The following GRM7 variants were observed in gnomAD, a reference collection of about 807,000 sequenced individuals.
GRM7 encodes the protein glutamate metabotropic receptor 7.
Under a neutral mutation model 84.5 loss-of-function variants are expected in GRM7, and 35 were observed. The ratio of observed to expected loss-of-function variants is 0.41; its 90% CI spans 0.32 to 0.55. The LOEUF is 0.55. GRM7 is among the 20% of genes least tolerant of loss of function. The pLI, the probability that GRM7 is intolerant of heterozygous loss-of-function variation, is 0.19. For missense variants in GRM7, 1,003 were observed against 1,194.6 expected, an observed-to-expected ratio of 0.84 and a Z score of 2.36; for synonymous variants, 487 against 455.1, an observed-to-expected ratio of 1.07 and a Z score of -0.89.
rs75028138 is a variant in GRM7 at position 7,590,738 on chromosome 3, C to T, written c.2451+11381C>T. 7.1e-3 allele frequency among the ~76,000 whole-genome samples: 1,080 copies of T among 152,194 alleles called. 11 individuals are homozygous for T. The highest frequency in any genetic ancestry group is 0.025 in the African/African-American group (1,025 of 41,518). ...TCCATGCTGTGTTCTTCTCACCACT[C>T]GAAGCTCAGCCTACAGACACATATC... On this transcript the variant is annotated intron_variant, in intron 8 of 9. Transcript: ENST00000357716.
At chr3:7,199,737 G>C (rs1696000995) in intron 2 of GRM7, among the ~76,000 whole-genome samples, 1 of 152,108 alleles carries the variant, frequency 6.6e-6, no homozygotes, top group Admixed American at 6.5e-5. Flanking sequence ...CCAAGGTTGA[G>C]GAACCCTGAC....
intron 9 of GRM7, among the ~76,000 whole-genome samples, chr3:7,735,890 G>A (rs1040867205): frequency 6.6e-5 from 10 of 152,112 alleles, no homozygotes; most frequent in Non-Finnish European, 1.3e-4. Flanking sequence ...AAGTATCTCA[G>A]GTCTAGATCT....
intron 2 of GRM7, among the ~76,000 whole-genome samples, chr3:7,226,595 A>G (rs1696989202): frequency 6.6e-6 from 1 of 152,190 alleles, no homozygotes; most frequent in Non-Finnish European, 1.5e-5. Flanking sequence ...AAGTCACATG[A>G]TCTACCTGCA....
chr3:7,625,681 T>C (rs529860511), intron 8 of GRM7, among the ~76,000 whole-genome samples: 4 of 152,242 alleles, frequency 2.6e-5, no homozygotes, highest in Admixed American at 2.0e-4. Context: ...GATAAGTAAA[T>C]TTTGAAAAGA....
At chr3:7,290,697 T>C (rs573311076) in intron 2 of GRM7, among the ~76,000 whole-genome samples, 11 of 152,164 alleles carry the variant, frequency 7.2e-5, no homozygotes, top group Non-Finnish European at 1.3e-4. Flanking sequence ...GCATAACCTC[T>C]GCTATTTATT....
chr3:6,959,175 G>T (rs370575954), intron 1 of GRM7, among the ~76,000 whole-genome samples: 3 of 152,180 alleles, frequency 2.0e-5, no homozygotes, highest in Non-Finnish European at 2.9e-5. Flanking sequence ...ACCCTATGAA[G>T]TAGGTATTGA....
rs548674796 is a variant in GRM7 at position 7,368,028 on chromosome 3, A to G, written c.1034-46995A>G. ...ATACAAATCCTTAAGAAAAAATTCT[A>G]AGAAGTCTTATGAGAAGAATCCAAG... On this transcript the variant is annotated intron_variant, in intron 4 of 9. Coordinates refer to ENST00000357716, the MANE Select transcript of GRM7 (RefSeq NM_000844.4). 4.9e-4 allele frequency among the ~76,000 whole-genome samples: 30 copies of G among 60,798 alleles called. No homozygotes were observed. The South Asian group carries it at 0.015, about 31-fold the overall frequency. 39.9% of individuals were successfully genotyped at this position (60,798 alleles called of 152,430 possible). A position where few individuals can be genotyped will look rare whatever the true frequency, so the allele number is the denominator to read the frequency against.
chr3:7,083,243 A>G (rs1256395978), intron 1 of GRM7, among the ~76,000 whole-genome samples: 3 of 152,166 alleles, frequency 2.0e-5, no homozygotes, highest in African/African-American at 7.2e-5. Flanking sequence ...GTCAGCAGCC[A>G]ACAACATCGA....
At chr3:6,894,199 C>T (rs552585702) in intron 1 of GRM7, among the ~76,000 whole-genome samples, 3 of 152,114 alleles carry the variant, frequency 2.0e-5, no homozygotes, top group Non-Finnish European at 2.9e-5. Flanking sequence ...TCTGCTTTTC[C>T]CCCTTGTTAC....
chr3:7,348,614 G>A (rs150509454), intron 4 of GRM7, among the ~76,000 whole-genome samples: 2 of 152,162 alleles, frequency 1.3e-5, no homozygotes, highest in African/African-American at 4.8e-5. Context: ...AATGATTCAA[G>A]GACCCAGACT....
chr3:7,218,943 A>T (rs1696705018), intron 2 of GRM7, among the ~76,000 whole-genome samples: 1 of 152,136 alleles, frequency 6.6e-6, no homozygotes, highest in South Asian at 2.1e-4. Context: ...AAAACTACCC[A>T]TCATTTATTG....
chr3:7,416,716 A>G (rs1181496024), intron 5 of GRM7, among the ~76,000 whole-genome samples: 1 of 152,168 alleles, frequency 6.6e-6, no homozygotes, highest in African/African-American at 2.4e-5. Context: ...TCTCCAGATC[A>G]TGCTATATAA....
intron 9 of GRM7, among the ~76,000 whole-genome samples, chr3:7,704,335 TA>T (rs968178578): frequency 2.0e-5 from 3 of 152,302 alleles, no homozygotes; most frequent in Non-Finnish European, 2.9e-5. Context: ...AAAAGAGTTA[TA>T]AAAAAATTCC....
chr3:7,321,083 T>C lies in GRM7; in HGVS notation c.1033+14431T>C, dbSNP rs571370641. ...CTGCTATTGAGTCCCCTAGATGAGC[T>C]TTCAATACAGACATACAGTAAAGTC... On this transcript the variant is annotated intron_variant, in intron 4 of 9. Coordinates refer to ENST00000357716, the MANE Select transcript of GRM7 (RefSeq NM_000844.4). 2.0e-5 allele frequency among the ~76,000 whole-genome samples: 3 copies of C among 152,068 alleles called. No homozygotes were observed. The South Asian group carries it at 6.2e-4, about 32-fold the overall frequency.
chr3:6,960,221 C>G (rs1270765753), intron 1 of GRM7, among the ~76,000 whole-genome samples: 2 of 152,174 alleles, frequency 1.3e-5, no homozygotes, highest in African/African-American at 4.8e-5. Context: ...TCTTCCCGAC[C>G]TCTTTCCAGT....
intron 9 of GRM7, among the ~76,000 whole-genome samples, chr3:7,712,089 G>A (rs920982124): frequency 2.6e-5 from 4 of 152,242 alleles, no homozygotes; most frequent in East Asian, 1.9e-4. Flanking sequence ...TCTCCTTAGC[G>A]GGGCATGCCT....
At chr3:7,161,678 G>A (rs1238299193) in intron 2 of GRM7, among the ~76,000 whole-genome samples, 1 of 152,090 alleles carries the variant, frequency 6.6e-6, no homozygotes, top group African/African-American at 2.4e-5. Flanking sequence ...AATATTACTA[G>A]TCCTTCCTTG....
intron 2 of GRM7, among the ~76,000 whole-genome samples, chr3:7,175,397 C>T (rs1695112093): frequency 6.6e-6 from 1 of 152,194 alleles, no homozygotes; most frequent in East Asian, 1.9e-4. Flanking sequence ...ATTGTCATGT[C>T]TCCATGAAAC....
Position 6,861,832 on chromosome 3 carries a change from G to A in GRM7, c.444G>A (p.Glu148=). 2 of 1,614,178 alleles carry A rather than the reference G, an allele frequency of 1.2e-6. No individual in the cohort carries two copies. Among genetic ancestry groups the A allele is most frequent in the Non-Finnish European group, 1.7e-6 (2 of 1,180,036 alleles). ...NGEPPVFVKP[E]KVVGVIGASG... Reference sequence around the variant, plus strand: ...AACCGCCGGTTTTCGTCAAGCCGGAGAAAGTAGTTGGAGTGATTGGGGCTT... The same window carrying A: ...AACCGCCGGTTTTCGTCAAGCCGGAAAAAGTAGTTGGAGTGATTGGGGCTT... Residue 148 remains glutamate, a synonymous_variant, in exon 1 of 10, where the codon GAG becomes GAA. Transcript: ENST00000357716. The surrounding 1 kb of genome is among the most constrained non-coding windows in gnomAD (Gnocchi z 6.4).
Sources: gnomAD v4.1 joint callset for allele counts (sites outside exome capture counted in the v4.1 genomes callset) on GRCh38, gnomAD v4.1.1 for gene constraint, Gnocchi (gnomAD v3.1) non-coding constraint, MANE v1.5 for transcripts, NCBI Gene and HGNC (gene_info 2026-07-23, HGNC 2026-07-21) for gene names.